Variants in FAM161B observed in about 807,000 individuals in gnomAD.
FAM161B encodes FAM161 centrosomal protein B.
FAM161B carries 46 observed loss-of-function variants against 61.5 expected under a neutral mutation model. The observed-to-expected ratio is 0.75, with a 90% CI of 0.59 to 0.96. The LOEUF is 0.96. Ranked by LOEUF, FAM161B falls within the 40% of genes least tolerant of loss-of-function variation. FAM161B has a pLI of 0.00. For synonymous variants in FAM161B, 284 were observed against 302.7 expected (o/e 0.94, Z 0.64); for missense variants, 774 against 800.7 (o/e 0.97, Z 0.40).
intron 8 of FAM161B, among the ~76,000 whole-genome samples, chr14:73,934,870 A>G (rs997518788): frequency 6.8e-6 from 1 of 146,322 alleles, no homozygotes; most frequent in Non-Finnish European, 1.5e-5. Context: ...AACATGGTGA[A>G]ACCCCATCTC....
At position 73,942,271 on chromosome 14, in the gene FAM161B, A is replaced by G. The variant is rs991835761; in HGVS notation, c.1272+98T>C. On this transcript the variant is annotated intron_variant, in intron 4 of 8. Transcript: ENST00000286544. ...CTGAGCTGGTGTTTAAAAAAAAGATAGGAAAACCTTGTTGAGAAGTGCTTT... is the reference window on the plus strand; with the variant it reads ...CTGAGCTGGTGTTTAAAAAAAAGATGGGAAAACCTTGTTGAGAAGTGCTTT... 3.4e-5 allele frequency: 42 copies of G among 1,250,610 alleles called. No individual in the cohort carries two copies. The African/African-American group carries it at 5.7e-4, about 17-fold the overall frequency. 77.5% of individuals were successfully genotyped at this position (1,250,610 alleles called of 1,614,324 possible).
chr14:73,948,368 C>T (rs1018761048), intron 1 of FAM161B, among the ~76,000 whole-genome samples: 18 of 152,218 alleles, frequency 1.2e-4, no homozygotes, highest in Non-Finnish European at 1.9e-4. Flanking sequence ...GATGCTCTTG[C>T]CGTTGGCATT....
intron 7 of FAM161B, 81 bp from the exon 8 acceptor site, chr14:73,936,169 A>G: frequency 7.0e-7 from 1 of 1,420,048 alleles, no homozygotes; most frequent in Non-Finnish European, 9.4e-7. Flanking sequence ...TATTGTTACA[A>G]TACTGCCACA....
chr14:73,925,161 G>A, the FAM161B span, among the ~76,000 whole-genome samples: 2 of 151,312 alleles, frequency 1.3e-5, no homozygotes, highest in Non-Finnish European at 2.9e-5. Flanking sequence ...GTGACCCATT[G>A]TCTTTGCTTA....
intron 8 of FAM161B, 29 bp from the exon 9 acceptor site, chr14:73,934,423 A>C (rs761547310): frequency 3.2e-6 from 5 of 1,575,550 alleles, no homozygotes; most frequent in African/African-American, 1.4e-5. Flanking sequence ...CATGAAAAAC[A>C]AAAAAAATTT....
Position 73,942,431 on chromosome 14 carries a change from TCAG to T in FAM161B, c.1207_1209del (p.Leu403del), listed in dbSNP as rs1037598602. 3.1e-6 allele frequency: 5 copies of T among 1,614,104 alleles called. No homozygotes were observed. In the African/African-American group the frequency reaches 6.7e-5, roughly 22 times the overall value. ...TGAGGGTGGCGCAGGTTGGCGGTCC[TCAG>T]CAAGAAGGGCTTGTTGCGAGTGGCC... On this transcript the variant is annotated inframe_deletion, in exon 4 of 9. Coordinates refer to ENST00000286544, the MANE Select transcript of FAM161B (RefSeq NM_152445.3).
At chr14:73,923,998 C>T in the FAM161B span, among the ~76,000 whole-genome samples, 1 of 151,812 alleles carries the variant, frequency 6.6e-6, no homozygotes, top group Non-Finnish European at 1.5e-5. Flanking sequence ...AGTCCCTCAG[C>T]AAAAAAGGTA....
Position 73,944,784 on chromosome 14 carries a change from T to G in FAM161B, c.476A>C (p.His159Pro). The change falls in exon 3 of 9, where the codon CAC becomes CCC. Residue 159 changes from histidine to proline, a missense_variant. Physicochemically the swap from His to Pro is moderately conservative, Grantham distance 77 (BLOSUM62 -2). Transcript: ENST00000286544. ...TGATGCCCAGGAGCTGACGCTTCTG[T>G]GCTGGGAGGGAGGCCGGGAGCCTGA... is the stretch of plus-strand genomic sequence containing the variant. ...PPSGSRPPSQHRSVSSWASSI... is the reference protein window; with the variant it reads ...PPSGSRPPSQPRSVSSWASSI... 3 of 1,587,058 alleles carry G rather than the reference T, an allele frequency of 1.9e-6. No homozygotes were observed. The highest frequency in any genetic ancestry group is 2.6e-6 in the Non-Finnish European group (3 of 1,164,432).
intron 7 of FAM161B, 90 bp from the exon 8 acceptor site, chr14:73,936,178 C>T: frequency 7.4e-7 from 1 of 1,352,808 alleles, no homozygotes; most frequent in Non-Finnish European, 9.9e-7. Flanking sequence ...AATACTGCCA[C>T]AACCACCACC....
rs2140346775 is a variant in FAM161B, at chr14:73,942,445, T to C, written c.1196A>G (p.Lys399Arg). 1.2e-6 allele frequency: 2 copies of C among 1,614,176 alleles called. No individual in the cohort carries two copies. The highest frequency in any genetic ancestry group is 4.5e-5 in the East Asian group (2 of 44,880). Reference protein sequence around the residue: ...RRETQEATRNKPFLLRTANLR... With the variant: ...RRETQEATRNRPFLLRTANLR... Reference sequence around the variant, plus strand: ...GTTGGCGGTCCTCAGCAAGAAGGGCTTGTTGCGAGTGGCCTCTTGGGTTTC... The same window carrying C: ...GTTGGCGGTCCTCAGCAAGAAGGGCCTGTTGCGAGTGGCCTCTTGGGTTTC... The change falls in exon 4 of 9, where the codon AAG becomes AGG. Residue 399 changes from lysine (K) to arginine (R), a missense_variant. By Grantham distance (26) the Lys-to-Arg change is conservative. Transcript: ENST00000286544.
chr14:73,929,233 C>T (rs1594770990), downstream of FAM161B, among the ~76,000 whole-genome samples: 1 of 152,240 alleles, frequency 6.6e-6, no homozygotes, highest in South Asian at 2.1e-4. Context: ...TTTCTTTCTT[C>T]ACTAGTTTGG....
intron 8 of FAM161B, among the ~76,000 whole-genome samples, chr14:73,935,040 C>T (rs969389337): frequency 4.1e-5 from 6 of 145,106 alleles, no homozygotes; most frequent in Non-Finnish European, 6.1e-5. Context: ...TCCAACCTGG[C>T]GACGGAGCAA....
At chr14:73,941,077 T>G (rs749550225) in intron 4 of FAM161B, 24 bp from the exon 5 acceptor site, 2 of 1,601,630 alleles carry the variant, frequency 1.2e-6, no homozygotes, top group Non-Finnish European at 1.7e-6. Context: ...AGGTTGGTAT[T>G]GGTGGGACAG....
At chr14:73,939,684 T>C (rs909654302) in intron 5 of FAM161B, among the ~76,000 whole-genome samples, 2 of 152,246 alleles carry the variant, frequency 1.3e-5, no homozygotes, top group African/African-American at 4.8e-5. Context: ...GAACTGGAAA[T>C]GAGCCTCCCT....
chr14:73,928,570 G>T (rs993408949), downstream of FAM161B, among the ~76,000 whole-genome samples: 1 of 152,120 alleles, frequency 6.6e-6, no homozygotes, highest in Non-Finnish European at 1.5e-5. Context: ...CACAAGTCTT[G>T]GAATTGGCCT....
At chr14:73,928,809 A>G (rs1233780434), downstream of FAM161B, among the ~76,000 whole-genome samples, 1 of 152,186 alleles carries the variant, frequency 6.6e-6, no homozygotes, top group African/African-American at 2.4e-5. Flanking sequence ...TTATCCAGGC[A>G]TAGTGGTGCA....
downstream of FAM161B, among the ~76,000 whole-genome samples, chr14:73,928,933 C>A (rs1012134590): frequency 1.3e-5 from 2 of 151,916 alleles, no homozygotes; most frequent in African/African-American, 4.8e-5. Flanking sequence ...TGGGAGAGAT[C>A]CTATCCCAAA....
downstream of FAM161B, among the ~76,000 whole-genome samples, chr14:73,929,100 C>T (rs1566669104): frequency 1.3e-5 from 2 of 152,230 alleles, no homozygotes; most frequent in African/African-American, 2.4e-5. Flanking sequence ...ACTTTTTCCT[C>T]ATGGGTTTTT....
At chr14:73,944,186 C>T in intron 3 of FAM161B, 149 bp downstream of exon 3, 1 of 1,285,378 alleles carries the variant, frequency 7.8e-7, no homozygotes, top group East Asian at 2.3e-5. Context: ...TAACCCTCCC[C>T]AATGGCCTGC....
Sources: gnomAD v4.1 joint callset for allele counts (sites outside exome capture counted in the v4.1 genomes callset) on GRCh38, gnomAD v4.1.1 for gene constraint, MANE v1.5 for transcripts, NCBI Gene and HGNC (gene_info 2026-07-23, HGNC 2026-07-21) for gene names.